The following HS6ST3 variants were observed in gnomAD, a reference collection of about 807,000 sequenced individuals.
The protein encoded by HS6ST3 is heparan sulfate 6-O-sulfotransferase 3.
In HS6ST3, 12 loss-of-function variants were observed where a neutral mutation model predicts 36.7. The observed-to-expected ratio is 0.33, with a 90% confidence interval of 0.21 to 0.53. The LOEUF (loss-of-function observed/expected upper bound fraction) is 0.53. HS6ST3 is among the 20% of genes least tolerant of loss of function. The probability of loss-of-function intolerance (pLI) is 0.95; values close to 1 mark genes in which losing one functional copy is unlikely to be tolerated. For missense variants in HS6ST3, 584 were observed against 640.9 expected, an observed-to-expected ratio of 0.91 and a Z score of 0.96; for synonymous variants, 240 against 257.5, an observed-to-expected ratio of 0.93 and a Z score of 0.65.
intron 1 of HS6ST3, among the ~76,000 whole-genome samples, chr13:96,631,101 A>G (rs1245099064): frequency 6.6e-6 from 1 of 152,178 alleles, no homozygotes; most frequent in South Asian, 2.1e-4. Flanking sequence ...ATGAGGAAAT[A>G]AAGATCTTCA....
At chr13:96,789,297 G>A (rs1306352589) in intron 1 of HS6ST3, among the ~76,000 whole-genome samples, 2 of 151,484 alleles carry the variant, frequency 1.3e-5, no homozygotes, top group Non-Finnish European at 3.0e-5. Flanking sequence ...TCAATATAGA[G>A]GTCCTTTGGC....
intron 1 of HS6ST3, among the ~76,000 whole-genome samples, chr13:96,122,769 G>A (rs1206236037): frequency 6.6e-6 from 1 of 152,096 alleles, no homozygotes; most frequent in East Asian, 1.9e-4. Context: ...GTGGTTATGA[G>A]GATGAGAATG....
intron 1 of HS6ST3, among the ~76,000 whole-genome samples, chr13:96,638,419 C>A (rs1299446585): frequency 6.6e-6 from 1 of 151,998 alleles, no homozygotes; most frequent in Non-Finnish European, 1.5e-5. Flanking sequence ...CTCTCTACTG[C>A]AGTTTCTTCA....
intron 1 of HS6ST3, among the ~76,000 whole-genome samples, chr13:96,118,866 G>A (rs894400066): frequency 1.3e-4 from 19 of 146,868 alleles, no homozygotes; most frequent in South Asian, 4.3e-4. Context: ...GCCCGCCACC[G>A]CGCCCGGCTA....
At chr13:96,730,165 C>T (rs1216733024) in intron 1 of HS6ST3, among the ~76,000 whole-genome samples, 2 of 152,152 alleles carry the variant, frequency 1.3e-5, no homozygotes, top group African/African-American at 4.8e-5. Context: ...ATTTCATTCA[C>T]GCAGGTCTTT....
intron 1 of HS6ST3, among the ~76,000 whole-genome samples, chr13:96,756,284 G>C (rs1229146019): frequency 1.3e-5 from 2 of 152,008 alleles, no homozygotes; most frequent in Non-Finnish European, 2.9e-5. Flanking sequence ...TATATGAATT[G>C]TGAATATTTT....
At chr13:96,547,941 G>A (rs976846410) in intron 1 of HS6ST3, among the ~76,000 whole-genome samples, 1 of 152,008 alleles carries the variant, frequency 6.6e-6, no homozygotes, top group Non-Finnish European at 1.5e-5. Flanking sequence ...ACCCAAGGAA[G>A]TCATAACAAT....
At chr13:96,684,201 G>A (rs1002999859) in intron 1 of HS6ST3, among the ~76,000 whole-genome samples, 4 of 152,012 alleles carry the variant, frequency 2.6e-5, no homozygotes, top group Non-Finnish European at 4.4e-5. Flanking sequence ...ATAAAATAAT[G>A]TGTCTTGTCT....
At chr13:96,523,695 G>T (rs2056102774) in intron 1 of HS6ST3, among the ~76,000 whole-genome samples, 1 of 151,888 alleles carries the variant, frequency 6.6e-6, no homozygotes, top group Middle Eastern at 3.2e-3. Flanking sequence ...CGAAGTTCTT[G>T]TACTGTGTTT....
At chr13:96,557,025 A>G (rs2056243631) in intron 1 of HS6ST3, among the ~76,000 whole-genome samples, 1 of 152,164 alleles carries the variant, frequency 6.6e-6, no homozygotes, top group Admixed American at 6.5e-5. Flanking sequence ...CACTTAATCC[A>G]CATGATTTAT....
At chr13:96,343,958 G>T (rs1320711936) in intron 1 of HS6ST3, among the ~76,000 whole-genome samples, 1 of 152,106 alleles carries the variant, frequency 6.6e-6, no homozygotes, top group Non-Finnish European at 1.5e-5. Flanking sequence ...TAGCCAGGAT[G>T]GTCTCAATCT....
chr13:96,798,828 T>C (rs184609090), intron 1 of HS6ST3, among the ~76,000 whole-genome samples: 126 of 152,230 alleles, frequency 8.3e-4, no homozygotes, highest in Middle Eastern at 3.4e-3. Context: ...CTTACCATTC[T>C]GGAGGCTAGA....
intron 1 of HS6ST3, chr13:96,574,530 A>C: frequency 2.9e-6 from 1 of 350,028 alleles, no homozygotes; most frequent in Non-Finnish European, 5.3e-6. Flanking sequence ...GACCAGTCCC[A>C]CTCCCCTGTG....
At chr13:96,417,156 G>A (rs952189410) in intron 1 of HS6ST3, among the ~76,000 whole-genome samples, 2 of 152,132 alleles carry the variant, frequency 1.3e-5, no homozygotes, top group African/African-American at 4.8e-5. Flanking sequence ...ATTTTATTTT[G>A]CAGTTTGCTT....
intron 1 of HS6ST3, among the ~76,000 whole-genome samples, chr13:96,665,943 G>C (rs1018096153): frequency 6.6e-6 from 1 of 152,108 alleles, no homozygotes; most frequent in African/African-American, 2.4e-5. Flanking sequence ...AAGCCTTTTT[G>C]AGTAAACTAT....
At chr13:96,638,031 T>A (rs1453279955) in intron 1 of HS6ST3, among the ~76,000 whole-genome samples, 1 of 152,110 alleles carries the variant, frequency 6.6e-6, no homozygotes, top group Non-Finnish European at 1.5e-5. Context: ...AAGAAACACT[T>A]GTAGCTTGTT....
chr13:96,194,746 T>TC (rs1373228753), intron 1 of HS6ST3, among the ~76,000 whole-genome samples: 1 of 149,732 alleles, frequency 6.7e-6, no homozygotes, highest in Non-Finnish European at 1.5e-5. Flanking sequence ...AAATCCCACC[T>TC]CCCCCACAAG....
intron 1 of HS6ST3, among the ~76,000 whole-genome samples, chr13:96,230,585 AG>A (rs2054503310): frequency 6.6e-6 from 1 of 152,102 alleles, no homozygotes; most frequent in African/African-American, 2.4e-5. Context: ...ATAGGAGAAG[AG>A]GAGGTCCAAG....
intron 1 of HS6ST3, among the ~76,000 whole-genome samples, chr13:96,438,654 T>C (rs982401312): frequency 2.6e-5 from 4 of 152,230 alleles, no homozygotes; most frequent in Non-Finnish European, 4.4e-5. Context: ...GACCTCACAA[T>C]TGATTGTTCC....
Sources: gnomAD v4.1 joint callset for allele counts (sites outside exome capture counted in the v4.1 genomes callset) on GRCh38, gnomAD v4.1.1 for gene constraint, MANE v1.5 for transcripts, NCBI Gene and HGNC (gene_info 2026-07-23, HGNC 2026-07-21) for gene names.